Variants in IWS1 observed in about 807,000 individuals in gnomAD.
IWS1 encodes the protein protein IWS1 homolog.
IWS1 carries 27 observed loss-of-function variants against 86.7 expected under a neutral mutation model. The ratio of observed to expected loss-of-function variants is 0.31; its 90% CI spans 0.23 to 0.43. The LOEUF is 0.43. IWS1 is among the 20% of genes least tolerant of loss of function. The pLI, the probability that IWS1 is intolerant of heterozygous loss-of-function variation, is 1.00. For missense variants in IWS1, 827 were observed against 1,000.8 expected (o/e 0.83, Z 2.34); for synonymous variants, 313 against 335.1 (o/e 0.93, Z 0.72).
Position 127,504,719 on chromosome 2 carries a change from G to T in IWS1, c.1184C>A (p.Ala395Asp), listed in dbSNP as rs541513565. Residue 395 changes from alanine to aspartate, a missense_variant, in exon 3 of 14, where the codon GCT (alanine) becomes GAT (aspartate). Ala to Asp is a moderately radical substitution (Grantham distance 126, BLOSUM62 -2). This residue lies in a region of IWS1 where 548 missense variants were observed against 560.2 expected (regional missense o/e 0.98). Transcript: ENST00000295321. ...EEEKVAKRKA[A>D]VLSDSEDEEK... ...TTCATCTTCACTATCAGAAAGCACA[G>T]CAGCTTTTCTCTTCGCTACTTTCTC... The T allele has an allele frequency of 6.2e-7, 1 of 1,611,032 alleles. No individual in the cohort carries two copies. The highest frequency in any genetic ancestry group is 1.1e-5 in the South Asian group (1 of 90,518).
intron 1 of IWS1, among the ~76,000 whole-genome samples, chr2:127,525,712 G>A (rs1197729770): frequency 6.6e-6 from 1 of 152,186 alleles, no homozygotes; most frequent in Non-Finnish European, 1.5e-5. Flanking sequence ...AGTGCCAGAA[G>A]CGCATTCCTT....
chr2:127,525,281 T>A (rs896377230), intron 1 of IWS1, among the ~76,000 whole-genome samples: 1 of 152,128 alleles, frequency 6.6e-6, no homozygotes, highest in African/African-American at 2.4e-5. Context: ...TTTTAAGCAG[T>A]GCATGCCTGG....
Position 127,481,002 on chromosome 2 carries a change from C to A in IWS1, c.*42G>T, listed in dbSNP as rs762880539. On this transcript the variant is annotated 3_prime_UTR_variant, in exon 14 of 14. Transcript: ENST00000295321. Reference sequence around the variant, plus strand: ...TCTTCTTTCTCCAAAGAGTCCATTGCGCATTTCTTAGAGTAGAGATGGGGA... The same window carrying A: ...TCTTCTTTCTCCAAAGAGTCCATTGAGCATTTCTTAGAGTAGAGATGGGGA... The A allele has an allele frequency of 3.8e-6, 6 of 1,571,302 alleles. No homozygotes were observed. The highest frequency in any genetic ancestry group is 1.7e-4 in the Middle Eastern group (1 of 5,826).
intron 7 of IWS1, among the ~76,000 whole-genome samples, chr2:127,495,384 G>C (rs1690462159): frequency 6.6e-6 from 1 of 152,074 alleles, no homozygotes; most frequent in Admixed American, 6.6e-5. Context: ...TTTAAATTAT[G>C]AAAAATTTCA....
At position 127,492,042 on chromosome 2, in the gene IWS1, C is replaced by T. The variant is rs1690254601; in HGVS notation, c.1976G>A (p.Arg659Gln). Residue 659 changes from arginine to glutamine, a missense_variant, in exon 10 of 14, where the codon CGA (arginine) becomes CAA (glutamine). Around this residue, in one of 2 missense-constraint regions of IWS1, gnomAD observed 279 missense variants for 440.6 expected, o/e 0.63. Coordinates refer to ENST00000295321, the MANE Select transcript of IWS1 (RefSeq NM_017969.3). ...GTGTTTATAGAGATACATCACTGCT[C>T]GTCCAATCCCACTATGCTTCAGGGT... The part of the protein sequence containing the change: ...QETLKHSGIG[R>Q]AVMYLYKHPK... 5 of 1,614,048 alleles carry T rather than the reference C, an allele frequency of 3.1e-6. No individual in the cohort carries two copies. Among genetic ancestry groups the T allele is most frequent in the Non-Finnish European group, 3.4e-6 (4 of 1,179,930 alleles).
At chr2:127,483,625 C>T (rs777560) in intron 13 of IWS1, among the ~76,000 whole-genome samples, 1,105 of 44,888 alleles carry the variant, frequency 0.025, 93 homozygotes, top group African/African-American at 0.094. Flanking sequence ...TGTGTGTGTG[C>T]GTGTGCGTGT....
rs780848672 is a variant in IWS1 at position 127,491,936 on chromosome 2, A to G, written c.2047+35T>C. The G allele has an allele frequency of 8.5e-6, 11 of 1,288,848 alleles. No individual in the cohort carries two copies. The East Asian group carries it at 2.5e-4, about 30-fold the overall frequency. 79.8% of individuals were successfully genotyped at this position (1,288,848 alleles called of 1,614,324 possible). A position where few individuals can be genotyped will look rare whatever the true frequency, so the allele number is the denominator to read the frequency against. ...ACGCATCTCTCTCTTATCTATACAC[A>G]TAAACACAACAAACAAAAAGGAAAA... On this transcript the variant is annotated intron_variant, in intron 10 of 13. Transcript: ENST00000295321.
chr2:127,514,035 C>T (rs1573556707), intron 2 of IWS1, among the ~76,000 whole-genome samples: 1 of 152,172 alleles, frequency 6.6e-6, no homozygotes, highest in Non-Finnish European at 1.5e-5. Flanking sequence ...ACCTTTATTC[C>T]CGTTTGCCTG....
chr2:127,517,126 C>T (rs546758853), intron 2 of IWS1, among the ~76,000 whole-genome samples: 1 of 152,138 alleles, frequency 6.6e-6, no homozygotes, highest in Non-Finnish European at 1.5e-5. Flanking sequence ...ATAGACATCC[C>T]GTGTTCTTGG....
intron 8 of IWS1, among the ~76,000 whole-genome samples, chr2:127,494,110 T>C (rs1296902149): frequency 6.6e-6 from 1 of 151,784 alleles, no homozygotes; most frequent in Non-Finnish European, 1.5e-5. Context: ...TATAAGCAAA[T>C]CAGGGCCCGG....
chr2:127,505,736 C>T lies in IWS1; in HGVS notation c.167G>A (p.Arg56Gln), dbSNP rs940844030. 14 of 1,534,004 alleles carry T rather than the reference C, an allele frequency of 9.1e-6. No individual in the cohort carries two copies. The highest frequency in any genetic ancestry group is 1.7e-4 in the Middle Eastern group (1 of 5,722). The part of the protein sequence containing the change: ...ERHSENETSD[R>Q]EDGLPKGHHV... ...ATGTCCTTTGGGGAGGCCATCTTCT[C>T]GATCACTAGTTTCATTCTGAAAAAT... Residue 56 changes from arginine to glutamine, a missense_variant, in exon 3 of 14, where the codon CGA becomes CAA. Arg to Gln is a conservative substitution (Grantham distance 43). Transcript: ENST00000295321. The surrounding 1 kb of genome is among the most constrained non-coding windows in gnomAD (Gnocchi z 5.0).
intron 2 of IWS1, among the ~76,000 whole-genome samples, chr2:127,518,256 C>G (rs1691883221): frequency 6.6e-6 from 1 of 152,168 alleles, no homozygotes. Flanking sequence ...GTGCTCATAC[C>G]TGTAATCCCA....
chr2:127,521,829 C>T (rs1692111476), intron 2 of IWS1, among the ~76,000 whole-genome samples: 1 of 152,128 alleles, frequency 6.6e-6, no homozygotes, highest in African/African-American at 2.4e-5. Context: ...TATTTAGAAT[C>T]CATATTATAA....
intron 6 of IWS1, among the ~76,000 whole-genome samples, chr2:127,497,673 G>A (rs1381005524): frequency 6.6e-5 from 10 of 152,162 alleles, no homozygotes; most frequent in Non-Finnish European, 1.5e-4. Flanking sequence ...CTTTACGACT[G>A]AAAACAGTAA....
chr2:127,502,461 T>C (rs958674238), intron 5 of IWS1: 28 of 167,206 alleles, frequency 1.7e-4, no homozygotes, highest in African/African-American at 6.6e-4. Flanking sequence ...TATATTTTTG[T>C]CTAGCTTTTC....
intron 2 of IWS1, among the ~76,000 whole-genome samples, chr2:127,521,895 G>A (rs1692116827): frequency 6.6e-6 from 1 of 152,328 alleles, no homozygotes. Context: ...GAGGCCATGA[G>A]ATGACTACCC....
chr2:127,492,824 G>A (rs1381264517), intron 9 of IWS1: 2 of 152,394 alleles, frequency 1.3e-5, no homozygotes, highest in African/African-American at 4.8e-5. Context: ...TTTACTGTGA[G>A]GAAAAAACGA....
intron 6 of IWS1, among the ~76,000 whole-genome samples, chr2:127,497,140 G>A (rs1482574050): frequency 6.6e-6 from 1 of 152,174 alleles, no homozygotes; most frequent in Non-Finnish European, 1.5e-5. Flanking sequence ...ACTGTACTTA[G>A]AACCTGCTAT....
At chr2:127,518,424 G>C (rs951576026) in intron 2 of IWS1, among the ~76,000 whole-genome samples, 18 of 152,218 alleles carry the variant, frequency 1.2e-4, no homozygotes, top group African/African-American at 3.9e-4. Context: ...GCTGAGGTCT[G>C]GATCACTTAA....
Sources: gnomAD v4.1 joint callset for allele counts (sites outside exome capture counted in the v4.1 genomes callset) on GRCh38, gnomAD v4.1.1 for gene constraint, gnomAD v4.1.1 regional missense constraint, Gnocchi (gnomAD v3.1) non-coding constraint, MANE v1.5 for transcripts, NCBI Gene and HGNC (gene_info 2026-07-23, HGNC 2026-07-21) for gene names.